The following TRMT9B variants were observed in gnomAD, a reference collection of about 807,000 sequenced individuals.
TRMT9B encodes tRNA methyltransferase 9B (putative), also known as probable tRNA methyltransferase 9B.
TRMT9B carries 16 observed loss-of-function variants against 11.5 expected under a neutral mutation model. That is an observed-to-expected ratio of 1.39 (90% confidence interval 0.94 to 2.11). The LOEUF (loss-of-function observed/expected upper bound fraction) is 2.11. Among genes scored for constraint, TRMT9B ranks in the 30% most tolerant of loss-of-function variants. The pLI is 0.00. For synonymous variants in TRMT9B, 274 were observed against 192.4 expected (o/e 1.42, Z -3.51); for missense variants, 941 against 553.8 (o/e 1.70, Z -7.02).
chr8:12,956,503 C>T (rs931845082), intron 1 of TRMT9B, among the ~76,000 whole-genome samples: 1 of 152,140 alleles, frequency 6.6e-6, no homozygotes, highest in Non-Finnish European at 1.5e-5. Context: ...AATAATGTTT[C>T]TTAGGTTTGA....
intron 1 of TRMT9B, among the ~76,000 whole-genome samples, chr8:12,985,137 T>C (rs1265055658): frequency 6.6e-6 from 1 of 152,176 alleles, no homozygotes. Context: ...TCAGGGAGTA[T>C]TTGATCTCTT....
rs1469823415 is a variant in TRMT9B at position 13,026,752 on chromosome 8, G to T, written c.*4708G>T. ...AGGCAGAGCTGGGATTCAAACCCAG[G>T]TCTGGCTCCTAGTCTCTGCTCTTAA... On this transcript the variant is annotated 3_prime_UTR_variant, in exon 5 of 5. Coordinates refer to ENST00000524591, the MANE Select transcript of TRMT9B (RefSeq NM_020844.3). The T allele has an allele frequency of 1.2e-5, 2 of 167,030 alleles. No individual in the cohort carries two copies. Among genetic ancestry groups the T allele is most frequent in the African/African-American group, 4.8e-5 (2 of 41,438 alleles). 10.3% of individuals were successfully genotyped at this position (167,030 alleles called of 1,614,324 possible).
chr8:12,957,991 A>C (rs1209767576), intron 1 of TRMT9B, among the ~76,000 whole-genome samples: 2 of 152,140 alleles, frequency 1.3e-5, no homozygotes, highest in Admixed American at 1.3e-4. Context: ...TAAAAATATC[A>C]ATAAGGGATT....
rs1161719384 is a variant in TRMT9B, at chr8:13,025,674, T to A, written c.*3630T>A. On this transcript the variant is annotated 3_prime_UTR_variant, in exon 5 of 5. Coordinates refer to ENST00000524591, the MANE Select transcript of TRMT9B (RefSeq NM_020844.3). ...AGAATCATTCAAGCACCTATTTAAA[T>A]TTTTTCCAATTGCCAGTATAGTGAT... 1.2e-5 allele frequency: 2 copies of A among 167,098 alleles called. No homozygotes were observed. Among genetic ancestry groups the A allele is most frequent in the South Asian group, 2.1e-4 (1 of 4,832 alleles). 10.4% of individuals were successfully genotyped at this position (167,098 alleles called of 1,614,324 possible). A position where few individuals can be genotyped will look rare whatever the true frequency, so the allele number is the denominator to read the frequency against.
intron 1 of TRMT9B, chr8:12,952,256 GCGCCCT>G (rs1800726023): frequency 2.3e-6 from 1 of 432,108 alleles, no homozygotes; most frequent in Non-Finnish European, 4.7e-6. Flanking sequence ...AGCTTCTGTT[GCGCCCT>G]AGATCCGCTG....
intron 3 of TRMT9B, chr8:13,011,919 G>C (rs995145801): frequency 4.1e-6 from 4 of 985,222 alleles, no homozygotes; most frequent in Non-Finnish European, 4.8e-6. Flanking sequence ...TAATAGAAAA[G>C]TTGTTGACAG....
rs1216339257 is a variant in TRMT9B, at chr8:13,023,495, T to C, written c.*1451T>C. 1 of 167,088 alleles carries C rather than the reference T, an allele frequency of 6.0e-6. No individual in the cohort carries two copies. The highest frequency in any genetic ancestry group is 1.5e-5 in the Non-Finnish European group (1 of 68,128). The allele number at this position is 167,088 out of a possible 1,614,324, so 10.4% of individuals were successfully genotyped here. A position where few individuals can be genotyped will look rare whatever the true frequency, so the allele number is the denominator to read the frequency against. Reference sequence around the variant, plus strand: ...GTAGAGAAACGAATAGACTGGACACTGTGTGGTCACTGTTTAGATTTGCCC... The same window carrying C: ...GTAGAGAAACGAATAGACTGGACACCGTGTGGTCACTGTTTAGATTTGCCC... On this transcript the variant is annotated 3_prime_UTR_variant, in exon 5 of 5. Coordinates refer to ENST00000524591, the MANE Select transcript of TRMT9B (RefSeq NM_020844.3).
intron 2 of TRMT9B, among the ~76,000 whole-genome samples, chr8:13,003,723 T>C (rs1273683412): frequency 1.3e-5 from 2 of 151,306 alleles, no homozygotes; most frequent in Non-Finnish European, 2.9e-5. Flanking sequence ...CTGAGGGGGA[T>C]AGTGTGGAGC....
intron 1 of TRMT9B, among the ~76,000 whole-genome samples, chr8:12,965,081 A>T (rs560460569): frequency 1.3e-5 from 2 of 152,342 alleles, no homozygotes; most frequent in Admixed American, 6.5e-5. Context: ...AATGTCAAAC[A>T]CATTCTTATA....
chr8:12,976,787 C>T (rs993925692), intron 1 of TRMT9B, among the ~76,000 whole-genome samples: 4 of 152,090 alleles, frequency 2.6e-5, no homozygotes, highest in East Asian at 1.9e-4. Context: ...AAAGGGAAAG[C>T]GGAAAGACTG....
intron 1 of TRMT9B, chr8:12,952,064 T>C (rs750676874): frequency 8.7e-6 from 3 of 346,154 alleles, no homozygotes; most frequent in Non-Finnish European, 1.8e-5. Context: ...CTAAAATAGG[T>C]CAAGGGGTGG....
intron 1 of TRMT9B, among the ~76,000 whole-genome samples, chr8:12,965,500 G>A (rs1324189800): frequency 1.3e-5 from 2 of 152,168 alleles, no homozygotes; most frequent in Admixed American, 6.5e-5. Flanking sequence ...GGTGGCCTGT[G>A]AGCTGTCAGT....
intron 1 of TRMT9B, among the ~76,000 whole-genome samples, chr8:12,966,360 C>T (rs1312473446): frequency 6.6e-6 from 1 of 152,038 alleles, no homozygotes. Context: ...CTTTGTTAAC[C>T]CCGGAAAGCA....
rs1278895093 is a variant in TRMT9B at position 13,022,703 on chromosome 8, A to C, written c.*659A>C. 6.0e-6 allele frequency: 1 copy of C among 167,126 alleles called. No homozygotes were observed. The highest frequency in any genetic ancestry group is 2.4e-5 in the African/African-American group (1 of 41,466). 10.4% of individuals were successfully genotyped at this position (167,126 alleles called of 1,614,324 possible). On this transcript the variant is annotated 3_prime_UTR_variant, in exon 5 of 5. Coordinates refer to ENST00000524591, the MANE Select transcript of TRMT9B (RefSeq NM_020844.3). ...TGTAGCCCAGGAGGTTTTTAAAGGC[A>C]CTGTTAGGCTGAGCATGGTGGCTCA...
At chr8:12,997,970 G>T (rs920130280) in intron 2 of TRMT9B, among the ~76,000 whole-genome samples, 1 of 152,100 alleles carries the variant, frequency 6.6e-6, no homozygotes, top group African/African-American at 2.4e-5. Context: ...ATCCTATTGT[G>T]GCTTAAATTT....
intron 1 of TRMT9B, among the ~76,000 whole-genome samples, chr8:12,987,610 T>C (rs1484072715): frequency 6.6e-6 from 1 of 152,100 alleles, no homozygotes; most frequent in Non-Finnish European, 1.5e-5. Context: ...GAGGATCATT[T>C]GCACCTGGGA....
chr8:13,011,229 G>A lies in TRMT9B; in HGVS notation c.155-1455G>A, dbSNP rs1038140953. 13 of 833,688 alleles carry A rather than the reference G, an allele frequency of 1.6e-5. No individual in the cohort carries two copies. In the South Asian group the frequency reaches 4.9e-4, roughly 32 times the overall value. The allele number at this position is 833,688 out of a possible 1,614,324, so 51.6% of individuals were successfully genotyped here. On this transcript the variant is annotated intron_variant, in intron 3 of 4. Transcript: ENST00000524591. ...TCGAACTCCTGCCCTCAAGTGATCC[G>A]CCCACCACAGCCTCCCAAAGTGCTA...
intron 1 of TRMT9B, among the ~76,000 whole-genome samples, chr8:12,975,786 C>T (rs143576693): frequency 6.6e-6 from 1 of 152,098 alleles, no homozygotes; most frequent in African/African-American, 2.4e-5. Flanking sequence ...ATGCTTCTAG[C>T]TATTTGGGGG....
At chr8:13,009,200 G>C (rs1336471573) in intron 3 of TRMT9B, among the ~76,000 whole-genome samples, 2 of 152,270 alleles carry the variant, frequency 1.3e-5, no homozygotes, top group African/African-American at 2.4e-5. Flanking sequence ...ATCTAAAACA[G>C]TTGGACTCAT....
Sources: allele counts gnomAD v4.1 joint callset (sites outside exome capture counted in the v4.1 genomes callset), GRCh38; gene constraint gnomAD v4.1.1; transcripts MANE v1.5; gene names NCBI Gene and HGNC (gene_info 2026-07-23, HGNC 2026-07-21).